The following SIDT1 variants were observed in gnomAD, a reference collection of about 807,000 sequenced individuals.
SIDT1 encodes SID1 transmembrane family member 1, also known as SID1 transmembrane family, member 1.
In SIDT1, 101 loss-of-function variants were observed where a neutral mutation model predicts 107.5. The ratio of observed to expected loss-of-function variants is 0.94; its 90% CI spans 0.80 to 1.11. The LOEUF (loss-of-function observed/expected upper bound fraction) is 1.11. Ranked by LOEUF, SIDT1 falls within the 50% of genes least tolerant of loss-of-function variation. The probability of loss-of-function intolerance (pLI) is 0.00; values close to 1 mark genes in which losing one functional copy is unlikely to be tolerated. For missense variants in SIDT1, 1,076 were observed against 1,058.2 expected, an observed-to-expected ratio of 1.02 and a Z score of -0.23; for synonymous variants, 395 against 398.2, an observed-to-expected ratio of 0.99 and a Z score of 0.10.
chr3:113,585,255 T>G lies in SIDT1; in HGVS notation c.986T>G (p.Phe329Cys). 2 of 1,612,034 alleles carry G rather than the reference T, an allele frequency of 1.2e-6. No individual in the cohort carries two copies. ...SFYLGCLLVG[F>C]VHYLRFQRKS... Reference sequence around the variant, plus strand: ...TACTTGGGATGCCTTCTTGTTGGGTTTGTTCATTATCTGAGGTAGGTCAAT... The same window carrying G: ...TACTTGGGATGCCTTCTTGTTGGGTGTGTTCATTATCTGAGGTAGGTCAAT... The change falls in exon 9 of 25, where the codon TTT (phenylalanine) becomes TGT (cysteine). Residue 329 changes from phenylalanine to cysteine, a missense_variant. Physicochemically the swap from Phe to Cys is radical, Grantham distance 205. Transcript: ENST00000264852.
intron 19 of SIDT1, 131 bp from the exon 20 acceptor site, chr3:113,615,969 G>A (rs970536179): frequency 6.8e-5 from 50 of 740,344 alleles, no homozygotes; most frequent in Non-Finnish European, 1.1e-4. Context: ...CACCTATTAG[G>A]TGCAAAGCAT....
chr3:113,547,847 A>G (rs1319863424), intron 1 of SIDT1, among the ~76,000 whole-genome samples: 1 of 152,132 alleles, frequency 6.6e-6, no homozygotes, highest in African/African-American at 2.4e-5. Flanking sequence ...AAGACTGGCC[A>G]GGGGTGCTAA....
chr3:113,594,514 A>AT (rs1421944617), intron 10 of SIDT1, among the ~76,000 whole-genome samples: 1 of 152,042 alleles, frequency 6.6e-6, no homozygotes, highest in African/African-American at 2.4e-5. Context: ...TTAGTCTGTT[A>AT]TTTTTTATAG....
At chr3:113,635,892 G>T in the SIDT1 span, among the ~76,000 whole-genome samples, 3 of 149,970 alleles carry the variant, frequency 2.0e-5, no homozygotes, top group African/African-American at 4.9e-5. Flanking sequence ...AAAAAGAAAA[G>T]AAAAGAAAAA....
At position 113,616,085 on chromosome 3, in the gene SIDT1, T is replaced by G; in HGVS notation, c.1967-15T>G. 6.2e-7 allele frequency: 1 copy of G among 1,601,136 alleles called. No individual in the cohort carries two copies. The highest frequency in any genetic ancestry group is 8.6e-7 in the Non-Finnish European group (1 of 1,168,130). ...TTGACTAAGCCTTCTCACCATGCATTTGTATTATCAGCAGATTTGGGAATT... is the reference window on the plus strand; with the variant it reads ...TTGACTAAGCCTTCTCACCATGCATGTGTATTATCAGCAGATTTGGGAATT... On this transcript the variant is annotated splice_polypyrimidine_tract_variant and intron_variant, in intron 19 of 24. Coordinates refer to ENST00000264852, the MANE Select transcript of SIDT1 (RefSeq NM_017699.3).
chr3:113,586,024 C>A (rs1317706169), intron 9 of SIDT1, among the ~76,000 whole-genome samples: 13 of 152,102 alleles, frequency 8.5e-5, no homozygotes, highest in African/African-American at 3.1e-4. Flanking sequence ...AAAACAAAGC[C>A]AGAATTGAGT....
At chr3:113,568,375 A>G (rs953276518) in intron 3 of SIDT1, among the ~76,000 whole-genome samples, 3 of 151,974 alleles carry the variant, frequency 2.0e-5, no homozygotes, top group Non-Finnish European at 4.4e-5. Context: ...GAGGTGGATC[A>G]CGAGGTCAGG....
At chr3:113,626,901 G>A (rs894392246) in intron 24 of SIDT1, among the ~76,000 whole-genome samples, 1 of 152,116 alleles carries the variant, frequency 6.6e-6, no homozygotes, top group South Asian at 2.1e-4. Flanking sequence ...TAGATGCCCG[G>A]GCTCCACGCA....
In SIDT1 at chr3:113,623,362, T is replaced by C. The variant is rs1946607880; in HGVS notation, c.2091-65T>C. ...CCTTCCCCCTCAAGGGACTGGGGGA[T>C]TGGAAAAGCCAATAGTGTTACAAAT... On this transcript the variant is annotated intron_variant, in intron 21 of 24. Coordinates refer to ENST00000264852, the MANE Select transcript of SIDT1 (RefSeq NM_017699.3). The C allele has an allele frequency of 3.9e-6, 4 of 1,034,502 alleles. No individual in the cohort carries two copies. In the Admixed American group the frequency reaches 6.9e-5, roughly 18 times the overall value. 64.1% of individuals were successfully genotyped at this position (1,034,502 alleles called of 1,614,324 possible).
In SIDT1 at chr3:113,626,173, C is replaced by T; in HGVS notation, c.2379C>T (p.Ile793=). The T allele has an allele frequency of 6.2e-7, 1 of 1,614,108 alleles. No homozygotes were observed. The highest frequency in any genetic ancestry group is 8.5e-7 in the Non-Finnish European group (1 of 1,179,948). Residue 793 remains isoleucine, a synonymous_variant, in exon 24 of 25, where the codon ATC becomes ATT. Coordinates refer to ENST00000264852, the MANE Select transcript of SIDT1 (RefSeq NM_017699.3). ...TGGATTTCTTCGATGACCATGACAT[C>T]TGGCACTTCCTCTCTGCTACTGCTC... is the stretch of plus-strand genomic sequence containing the variant. ...ILLDFFDDHD[I]WHFLSATALF... is the part of the protein sequence containing the mutation.
At position 113,627,580 on chromosome 3, in the gene SIDT1, A is replaced by G. The variant is rs74964013; in HGVS notation, c.2422-66A>G. 33 of 1,492,146 alleles carry G rather than the reference A, an allele frequency of 2.2e-5. No homozygotes were observed. The African/African-American group carries it at 2.9e-4, about 13-fold the overall frequency. The allele number at this position is 1,492,146 out of a possible 1,614,324, so 92.4% of individuals were successfully genotyped here. A position where few individuals can be genotyped will look rare whatever the true frequency, so the allele number is the denominator to read the frequency against. On this transcript the variant is annotated intron_variant, in intron 24 of 24. Transcript: ENST00000264852. ...TTTCCAGTCTGTGTGCATCTCAGAGAGAAAACAGGACTTAGTGTGACAGTG... is the reference window on the plus strand; with the variant it reads ...TTTCCAGTCTGTGTGCATCTCAGAGGGAAAACAGGACTTAGTGTGACAGTG...
chr3:113,623,870 C>T (rs1456034335), intron 23 of SIDT1, 137 bp downstream of exon 23: 14 of 639,238 alleles, frequency 2.2e-5, no homozygotes, highest in Non-Finnish European at 3.9e-5. Context: ...TTTTTAATAG[C>T]CGCACACAAA....
chr3:113,573,224 A>G (rs190561760), intron 3 of SIDT1, among the ~76,000 whole-genome samples: 1 of 152,330 alleles, frequency 6.6e-6, no homozygotes, highest in Non-Finnish European at 1.5e-5. Context: ...GTGACAGCAC[A>G]TTCCCTTTTA....
Position 113,555,044 on chromosome 3 carries a change from G to T in SIDT1, c.223-11376G>T, listed in dbSNP as rs530949727. On this transcript the variant is annotated intron_variant, in intron 1 of 24. Coordinates refer to ENST00000264852, the MANE Select transcript of SIDT1 (RefSeq NM_017699.3). ...AATAAAGTCCCAACTGCCCCAACATGACTTATAACACTCTTTGGGGTTATA... is the reference window on the plus strand; with the variant it reads ...AATAAAGTCCCAACTGCCCCAACATTACTTATAACACTCTTTGGGGTTATA... Among the ~76,000 whole-genome samples, 7 of 152,210 alleles carry T rather than the reference G, an allele frequency of 4.6e-5. No homozygotes were observed. In the South Asian group the frequency reaches 1.5e-3, roughly 32 times the overall value.
At chr3:113,570,222 A>G (rs934967259) in intron 3 of SIDT1, among the ~76,000 whole-genome samples, 1 of 152,218 alleles carries the variant, frequency 6.6e-6, no homozygotes, top group Non-Finnish European at 1.5e-5. Context: ...ATAATTTAAA[A>G]ATCTACTTGT....
intron 21 of SIDT1, 93 bp downstream of exon 21, chr3:113,619,819 C>A: frequency 8.2e-7 from 1 of 1,216,540 alleles, no homozygotes; most frequent in Non-Finnish European, 1.2e-6. Flanking sequence ...ACAAAGAAAT[C>A]TGAAATTAAG....
chr3:113,552,494 AG>A (rs1238834457), intron 1 of SIDT1, among the ~76,000 whole-genome samples: 7 of 152,240 alleles, frequency 4.6e-5, no homozygotes, highest in Non-Finnish European at 7.3e-5. Flanking sequence ...AAATATAAGC[AG>A]GAAAAGAATT....
rs183295931 is a variant in SIDT1 at position 113,620,610 on chromosome 3, G to A, written c.2090+884G>A. Reference sequence around the variant, plus strand: ...TGAGAATCTGAGTCCTATCTGGGGGGCATGTGCTTCTGGAAGAAGCTTCCC... The same window carrying A: ...TGAGAATCTGAGTCCTATCTGGGGGACATGTGCTTCTGGAAGAAGCTTCCC... On this transcript the variant is annotated intron_variant, in intron 21 of 24. Transcript: ENST00000264852. Among the ~76,000 whole-genome samples, 530 of 152,168 alleles carry A rather than the reference G, an allele frequency of 3.5e-3. 2 individuals are homozygous for A. The highest frequency in any genetic ancestry group is 5.9e-3 in the Non-Finnish European group (398 of 68,012).
chr3:113,575,739 T>C (rs983377852), intron 3 of SIDT1, among the ~76,000 whole-genome samples: 6 of 152,266 alleles, frequency 3.9e-5, no homozygotes, highest in African/African-American at 1.4e-4. Context: ...CACCTCTTGC[T>C]TAAATGTCTT....
Sources: allele counts gnomAD v4.1 joint callset (sites outside exome capture counted in the v4.1 genomes callset), GRCh38; gene constraint gnomAD v4.1.1; transcripts MANE v1.5; gene names NCBI Gene and HGNC (gene_info 2026-07-23, HGNC 2026-07-21).